The following BIN1 variants were observed in gnomAD, a reference collection of about 807,000 sequenced individuals.
BIN1 encodes bridging integrator 1.
BIN1 carries 53 observed loss-of-function variants against 82.0 expected under a neutral mutation model. The observed-to-expected ratio is 0.65, with a 90% CI of 0.52 to 0.81. The LOEUF is 0.81. Among genes scored for constraint, BIN1 ranks in the 40% least tolerant of loss-of-function variants. BIN1 has a pLI of 0.00. For missense variants in BIN1, 642 were observed against 784.4 expected (o/e 0.82, Z 2.17); for synonymous variants, 302 against 328.0 (o/e 0.92, Z 0.86).
intron 2 of BIN1, among the ~76,000 whole-genome samples, chr2:127,075,799 GC>G (rs147025393): frequency 0.25 from 14,426 of 57,712 alleles, 2,004 homozygotes; most frequent in South Asian, 0.33. Context: ...CCTCCCAGCT[GC>G]CCCCCCCACC....
intron 18 of BIN1, 155 bp downstream of exon 18, chr2:127,050,266 C>G (rs1013935534): frequency 1.4e-6 from 1 of 734,362 alleles, no homozygotes; most frequent in Non-Finnish European, 2.4e-6. Flanking sequence ...GGAAAAAGCC[C>G]GACGTGGAGG....
At chr2:127,051,503 G>A (rs979954665) in intron 15 of BIN1, among the ~76,000 whole-genome samples, 3 of 152,094 alleles carry the variant, frequency 2.0e-5, no homozygotes, top group Non-Finnish European at 2.9e-5. Context: ...AAGAAGCCCA[G>A]TGCAAGCCCC....
intron 12 of BIN1, among the ~76,000 whole-genome samples, chr2:127,056,659 G>A (rs952640717): frequency 6.6e-6 from 1 of 152,230 alleles, no homozygotes; most frequent in African/African-American, 2.4e-5. Flanking sequence ...ACAGGAGGAA[G>A]GCTGAGGCCT....
rs747660857 is a variant in BIN1 at position 127,053,939 on chromosome 2, G to A, written c.1205C>T (p.Thr402Met). Residue 402 changes from threonine to methionine, a missense_variant, in exon 13 of 19, where the codon ACG (threonine) becomes ATG (methionine). Coordinates refer to ENST00000316724, the MANE Select transcript of BIN1 (RefSeq NM_139343.3). ...DLDFDPLPPV[T>M]SPVKAPTPSG... ...GGGCGTGGGTGCCTTCACAGGGCTC[G>A]TCACGGGCGGGAGGGGGTCAAAGTC... is the stretch of plus-strand genomic sequence containing the variant. 2.1e-5 allele frequency: 33 copies of A among 1,551,580 alleles called. 1 individual carries two copies. In the African/African-American group the frequency reaches 2.2e-4, roughly 10 times the overall value.
At chr2:127,089,471 G>A (rs904259704) in intron 1 of BIN1, among the ~76,000 whole-genome samples, 3 of 152,202 alleles carry the variant, frequency 2.0e-5, no homozygotes, top group African/African-American at 4.8e-5. Flanking sequence ...TAGAGGGAAG[G>A]GGTGGTCATC....
chr2:127,070,958 A>G, intron 2 of BIN1, 142 bp from the exon 3 acceptor site: 1 of 806,918 alleles, frequency 1.2e-6, no homozygotes, highest in South Asian at 1.7e-5. Flanking sequence ...CCAACAGGAC[A>G]GCAGCTACGG....
chr2:127,053,861 C>T, intron 13 of BIN1, 44 bp downstream of exon 13: 1 of 1,539,968 alleles, frequency 6.5e-7, no homozygotes. Context: ...GGGTTGGGCA[C>T]CTGGAAGCTG....
At chr2:127,054,072 C>T in intron 12 of BIN1, 60 bp from the exon 13 acceptor site, 2 of 1,440,494 alleles carry the variant, frequency 1.4e-6, no homozygotes, top group Non-Finnish European at 9.6e-7. Context: ...GGAGCCCTCA[C>T]CCCAGGCAGA....
At position 127,062,671 on chromosome 2, in the gene BIN1, G is replaced by A. The variant is rs1220200750; in HGVS notation, c.775-474C>T. ...CTGAGAATATTCCTCTCTTTGATTT[G>A]GCCACTAGGGAGCTCAGAGCCGAAT... On this transcript the variant is annotated intron_variant, in intron 9 of 18. Coordinates refer to ENST00000316724, the MANE Select transcript of BIN1 (RefSeq NM_139343.3). Among the ~76,000 whole-genome samples the A allele has an allele frequency of 2.0e-5, 3 of 152,102 alleles. No homozygotes were observed. In the East Asian group the frequency reaches 5.8e-4, roughly 29 times the overall value.
chr2:127,052,206 C>G, intron 15 of BIN1, 49 bp downstream of exon 15: 1 of 1,529,064 alleles, frequency 6.5e-7, no homozygotes, highest in Non-Finnish European at 8.9e-7. Flanking sequence ...CATGCTGCAC[C>G]CCTAGAGACT....
intron 1 of BIN1, among the ~76,000 whole-genome samples, chr2:127,078,310 G>T (rs1686877867): frequency 6.6e-6 from 1 of 152,246 alleles, no homozygotes; most frequent in Admixed American, 6.5e-5. Context: ...TCAGATGTGG[G>T]TCTCTGTCCT....
Position 127,057,710 on chromosome 2 carries a change from G to A in BIN1, c.1003-109C>T. 1 of 1,338,338 alleles carries A rather than the reference G, an allele frequency of 7.5e-7. No individual in the cohort carries two copies. Among genetic ancestry groups the A allele is most frequent in the Non-Finnish European group, 9.8e-7 (1 of 1,018,806 alleles). The allele number at this position is 1,338,338 out of a possible 1,614,324, so 82.9% of individuals were successfully genotyped here. The stretch of plus-strand genomic sequence containing the variant: ...ACGGTTAGTCACACCTCAGGCCACA[G>A]TCCCACCCAGGCCACTGAGCAGGAC... On this transcript the variant is annotated intron_variant, in intron 11 of 18. Coordinates refer to ENST00000316724, the MANE Select transcript of BIN1 (RefSeq NM_139343.3). The surrounding 1 kb of genome is among the most constrained non-coding windows in gnomAD (Gnocchi z 5.0).
intron 1 of BIN1, among the ~76,000 whole-genome samples, chr2:127,091,623 T>A (rs1332833211): frequency 6.6e-6 from 1 of 152,160 alleles, no homozygotes; most frequent in African/African-American, 2.4e-5. Context: ...GCGTGGTGGT[T>A]CATGCCTATA....
intron 1 of BIN1, among the ~76,000 whole-genome samples, chr2:127,100,313 G>C (rs561521715): frequency 6.6e-6 from 1 of 151,120 alleles, no homozygotes; most frequent in Non-Finnish European, 1.5e-5. Flanking sequence ...CTGGGGGTCC[G>C]ACAGGGGCCC....
At chr2:127,103,748 C>T (rs1425536012) in intron 1 of BIN1, among the ~76,000 whole-genome samples, 1 of 152,244 alleles carries the variant, frequency 6.6e-6, no homozygotes, top group South Asian at 2.1e-4. Context: ...TAATCCTCCC[C>T]GTCATCTGAC....
intron 1 of BIN1, among the ~76,000 whole-genome samples, chr2:127,091,968 G>A: frequency 8.6e-6 from 1 of 116,936 alleles, no homozygotes; most frequent in East Asian, 2.4e-4. Context: ...ACAAGAACAT[G>A]CGGAGGGAGT....
rs1034784613 is a variant in BIN1, at chr2:127,107,097, G to C, written c.-154C>G. 1.2e-6 allele frequency: 1 copy of C among 807,724 alleles called. No homozygotes were observed. Among genetic ancestry groups the C allele is most frequent in the African/African-American group, 1.8e-5 (1 of 54,660 alleles). 50.0% of individuals were successfully genotyped at this position (807,724 alleles called of 1,614,324 possible). The stretch of plus-strand genomic sequence containing the variant: ...CGGAGCCAACTGACGGAGGCGGAGC[G>C]TGCGCCGGACGGGCGAGCGAGCCAG... On this transcript the variant is annotated 5_prime_UTR_variant, in exon 1 of 19. Transcript: ENST00000316724. This position sits in a 1 kb window ranked among gnomAD's most constrained non-coding sequence, Gnocchi z 5.9.
Position 127,059,056 on chromosome 2 carries a change from G to T in BIN1, c.957C>A (p.Ala319=), listed in dbSNP as rs2276579. ...EIRVNHEPEP[A]GGATPGATLP... ...GGGTGGCCCCGGGCGTGGCCCCGCC[G>T]GCCGGCTCTGGCTCGTGGTTGACTC... Residue 319 remains alanine, a synonymous_variant, in exon 11 of 19, where the codon GCC becomes GCA. Transcript: ENST00000316724. The surrounding 1 kb of genome is among the most constrained non-coding windows in gnomAD (Gnocchi z 6.7). 1 of 1,576,264 alleles carries T rather than the reference G, an allele frequency of 6.3e-7. No individual in the cohort carries two copies. The highest frequency in any genetic ancestry group is 8.6e-7 in the Non-Finnish European group (1 of 1,161,174).
Position 127,068,186 on chromosome 2 carries a change from G to C in BIN1, c.589C>G (p.Gln197Glu). The C allele has an allele frequency of 6.2e-7, 1 of 1,613,826 alleles. No individual in the cohort carries two copies. ...ACCTGATTTCGGAGCAGGTTAGTTT[G>C]AGCTACGAGATGAGCCTGCAGTTTG... ...QGKLQAHLVA[Q>E]TNLLRNQAEE... The change falls in exon 7 of 19, where the codon CAA becomes GAA. Residue 197 changes from glutamine to glutamate, a missense_variant. By Grantham distance (29) the Gln-to-Glu change is conservative. Transcript: ENST00000316724. The surrounding 1 kb of genome is among the most constrained non-coding windows in gnomAD (Gnocchi z 4.9).
Sources: allele counts gnomAD v4.1 joint callset (sites outside exome capture counted in the v4.1 genomes callset), GRCh38; gene constraint gnomAD v4.1.1; non-coding constraint Gnocchi (gnomAD v3.1); transcripts MANE v1.5; gene names NCBI Gene and HGNC (gene_info 2026-07-23, HGNC 2026-07-21).